TRPM3: variants seen among roughly 807,000 people sequenced by gnomAD.
The protein encoded by TRPM3 is transient receptor potential cation channel subfamily M member 3.
TRPM3 carries 77 observed loss-of-function variants against 181.2 expected under a neutral mutation model. The observed-to-expected ratio is 0.42, with a 90% CI of 0.35 to 0.51. The LOEUF is 0.51. Among genes scored for constraint, TRPM3 ranks in the 20% least tolerant of loss-of-function variants. The pLI is 0.01. For missense variants in TRPM3, 1,759 were observed against 2,196.7 expected (o/e 0.80, Z 3.98); for synonymous variants, 745 against 796.4 (o/e 0.94, Z 1.09).
intron 1 of TRPM3, among the ~76,000 whole-genome samples, chr9:71,117,351 G>C (rs2072631836): frequency 6.6e-6 from 1 of 152,028 alleles, no homozygotes; most frequent in Non-Finnish European, 1.5e-5. Flanking sequence ...AGCAGACAAG[G>C]CCTTCTATTA....
chr9:70,615,219 C>T (rs1194922999), intron 18 of TRPM3, among the ~76,000 whole-genome samples: 1 of 152,118 alleles, frequency 6.6e-6, no homozygotes, highest in African/African-American at 2.4e-5. Flanking sequence ...TGAGAAAGTC[C>T]TTATGGAGCT....
At chr9:71,432,857 C>A (rs2093978817) in intron 1 of TRPM3, among the ~76,000 whole-genome samples, 1 of 152,116 alleles carries the variant, frequency 6.6e-6, no homozygotes, top group Admixed American at 6.5e-5. Flanking sequence ...CTCAATAAAT[C>A]TTGAAGGGCT....
chr9:71,133,028 A>G (rs2074468421), intron 1 of TRPM3, among the ~76,000 whole-genome samples: 1 of 152,268 alleles, frequency 6.6e-6, no homozygotes, highest in African/African-American at 2.4e-5. Flanking sequence ...AAGGATGATT[A>G]GTTCATAAAT....
At chr9:70,658,553 CTT>C (rs1384503275) in intron 9 of TRPM3, among the ~76,000 whole-genome samples, 1 of 151,936 alleles carries the variant, frequency 6.6e-6, no homozygotes, top group Non-Finnish European at 1.5e-5. Flanking sequence ...TATGATATGA[CTT>C]AGTGTATGTT....
At chr9:70,587,204 T>C (rs1404295822) in intron 22 of TRPM3, among the ~76,000 whole-genome samples, 1 of 152,188 alleles carries the variant, frequency 6.6e-6, no homozygotes, top group East Asian at 1.9e-4. Flanking sequence ...TAATATTAAG[T>C]TGTCATGGTA....
intron 1 of TRPM3, among the ~76,000 whole-genome samples, chr9:71,327,289 C>T (rs538272035): frequency 9.1e-4 from 138 of 152,286 alleles, no homozygotes; most frequent in Non-Finnish European, 1.6e-3. Flanking sequence ...AAGCAATGAA[C>T]GACTGCCAAT....
At chr9:70,801,878 A>C in intron 6 of TRPM3, among the ~76,000 whole-genome samples, 1 of 152,176 alleles carries the variant, frequency 6.6e-6, no homozygotes, top group East Asian at 1.9e-4. Flanking sequence ...GCAAAAACTA[A>C]TTCGTTCACT....
chr9:71,421,467 G>A (rs1446625312), intron 1 of TRPM3, among the ~76,000 whole-genome samples: 2 of 151,856 alleles, frequency 1.3e-5, no homozygotes, highest in Admixed American at 6.6e-5. Flanking sequence ...TTCTCTACCA[G>A]GAAAGAAAAT....
intron 1 of TRPM3, among the ~76,000 whole-genome samples, chr9:71,407,233 G>A (rs148368007): frequency 0.011 from 1,601 of 152,312 alleles, 15 homozygotes; most frequent in South Asian, 0.018. Context: ...TGGTTGGACA[G>A]TGGGTGCAGC....
intron 11 of TRPM3, among the ~76,000 whole-genome samples, chr9:70,635,976 T>C (rs1024840765): frequency 1.3e-5 from 2 of 152,256 alleles, no homozygotes; most frequent in African/African-American, 2.4e-5. Flanking sequence ...GGAAATACAC[T>C]TGGGCATTCT....
intron 1 of TRPM3, among the ~76,000 whole-genome samples, chr9:71,054,992 AAATGTT>A (rs2060495115): frequency 6.6e-6 from 1 of 152,154 alleles, no homozygotes; most frequent in African/African-American, 2.4e-5. Flanking sequence ...AGCACTCAAC[AAATGTT>A]AACTATGTTT....
chr9:71,333,440 T>C (rs1286416699), intron 1 of TRPM3, among the ~76,000 whole-genome samples: 2 of 151,982 alleles, frequency 1.3e-5, no homozygotes, highest in Non-Finnish European at 2.9e-5. Context: ...ATTTCCAAGA[T>C]AAGCTCACAA....
chr9:70,691,988 T>C (rs1285647891), intron 8 of TRPM3, among the ~76,000 whole-genome samples: 4 of 152,208 alleles, frequency 2.6e-5, no homozygotes, highest in Non-Finnish European at 5.9e-5. Flanking sequence ...TCCATGGCTT[T>C]AGGCTGCTAA....
intron 1 of TRPM3, among the ~76,000 whole-genome samples, chr9:71,208,980 G>T (rs1401123273): frequency 1.3e-5 from 2 of 152,120 alleles, no homozygotes; most frequent in African/African-American, 4.8e-5. Context: ...TACTTGTGAT[G>T]AACTTAAGTG....
At chr9:70,575,109 ATTTT>A (rs55876205) in intron 22 of TRPM3, among the ~76,000 whole-genome samples, 7 of 134,356 alleles carry the variant, frequency 5.2e-5, no homozygotes, top group East Asian at 2.2e-4. Flanking sequence ...ATCCCGCATA[ATTTT>A]TTTTTTTTTT....
chr9:70,900,646 C>T (rs2096371392), intron 1 of TRPM3, among the ~76,000 whole-genome samples: 2 of 152,156 alleles, frequency 1.3e-5, no homozygotes, highest in Admixed American at 1.3e-4. Flanking sequence ...TCACTTGGAT[C>T]AATCTTTATG....
At chr9:70,993,837 G>A (rs967255912) in intron 1 of TRPM3, among the ~76,000 whole-genome samples, 1 of 150,316 alleles carries the variant, frequency 6.7e-6, no homozygotes, top group East Asian at 2.0e-4. Flanking sequence ...CACTCCAGGG[G>A]GATTGAGGAT....
At chr9:70,841,800 G>A (rs1186320427) in intron 5 of TRPM3, among the ~76,000 whole-genome samples, 1 of 150,896 alleles carries the variant, frequency 6.6e-6, no homozygotes, top group African/African-American at 2.4e-5. Flanking sequence ...GGATGGAACT[G>A]GAGGCCATTT....
chr9:70,957,664 A>G (rs947732970), intron 1 of TRPM3, among the ~76,000 whole-genome samples: 2 of 152,210 alleles, frequency 1.3e-5, no homozygotes, highest in African/African-American at 4.8e-5. Flanking sequence ...TCATAATTCA[A>G]GTACTTTGCC....
Sources: allele counts gnomAD v4.1 joint callset (sites outside exome capture counted in the v4.1 genomes callset), GRCh38; gene constraint gnomAD v4.1.1; transcripts MANE v1.5; gene names NCBI Gene and HGNC (gene_info 2026-07-23, HGNC 2026-07-21).